The following ITGA5 variants were observed in gnomAD, a reference collection of about 807,000 sequenced individuals.
The protein encoded by ITGA5 is integrin alpha-5.
Under a neutral mutation model 146.3 loss-of-function variants are expected in ITGA5, and 55 were observed. The ratio of observed to expected loss-of-function variants is 0.38; its 90% confidence interval spans 0.30 to 0.47. The LOEUF is 0.47. Among genes scored for constraint, ITGA5 ranks in the 20% least tolerant of loss-of-function variants. The pLI, the probability that ITGA5 is intolerant of heterozygous loss-of-function variation, is 0.99. For missense variants in ITGA5, 1,131 were observed against 1,329.0 expected (o/e 0.85, Z 2.32); for synonymous variants, 500 against 531.8 (o/e 0.94, Z 0.82).
At chr12:54,398,427 A>C (rs1295023320) in intron 28 of ITGA5, among the ~76,000 whole-genome samples, 170 bp downstream of exon 28, 1 of 152,202 alleles carries the variant, frequency 6.6e-6, no homozygotes, top group Non-Finnish European at 1.5e-5. Context: ...CAAAGATACC[A>C]TGTTGATCTT....
Position 54,401,821 on chromosome 12 carries a change from A to C in ITGA5, c.2261T>G (p.Leu754Arg). Reference protein sequence around the residue: ...WGGLRFTVPHLRDTKKTIQFD... With the variant: ...WGGLRFTVPHRRDTKKTIQFD... ...CTGGATGGTTTTCTTAGTGTCCCGG[A>C]GATGAGGGACTGTAAACCGAAGGCC... is the stretch of plus-strand genomic sequence containing the variant. The change falls in exon 22 of 30, where the codon CTC (leucine) becomes CGC (arginine). Residue 754 changes from leucine (L) to arginine (R), a missense_variant. By Grantham distance (102) the Leu-to-Arg change is moderately radical. This residue lies in a region of ITGA5 where 889 missense variants were observed against 1,021.5 expected (regional missense o/e 0.87). Transcript: ENST00000293379. This position sits in a 1 kb window ranked among gnomAD's most constrained non-coding sequence, Gnocchi z 5.0. 6.2e-7 allele frequency: 1 copy of C among 1,614,160 alleles called. No homozygotes were observed. The highest frequency in any genetic ancestry group is 8.5e-7 in the Non-Finnish European group (1 of 1,180,026).
Position 54,402,313 on chromosome 12 carries a change from T to A in ITGA5, c.2000A>T (p.Tyr667Phe). The change falls in exon 20 of 30, where the codon TAC (tyrosine) becomes TTC (phenylalanine). Residue 667 changes from tyrosine to phenylalanine, a missense_variant. Physicochemically the swap from Tyr to Phe is conservative, Grantham distance 22. Coordinates refer to ENST00000293379, the MANE Select transcript of ITGA5 (RefSeq NM_002205.5). Reference sequence around the variant, plus strand: ...GTTCAGGGCATTCTTGTCACCCAGGTACACATGGTTCTGCTCCCTGGAAGG... The same window carrying A: ...GTTCAGGGCATTCTTGTCACCCAGGAACACATGGTTCTGCTCCCTGGAAGG... ...LEVFGEQNHV[Y>F]LGDKNALNLT... The A allele has an allele frequency of 6.2e-7, 1 of 1,613,634 alleles. No individual in the cohort carries two copies. The highest frequency in any genetic ancestry group is 8.5e-7 in the Non-Finnish European group (1 of 1,179,748).
Position 54,403,245 on chromosome 12 carries a change from T to C in ITGA5, c.1856A>G (p.Asp619Gly). Residue 619 changes from aspartate to glycine, a missense_variant, in exon 18 of 30, where the codon GAC (aspartate) becomes GGC (glycine). By Grantham distance (94) the Asp-to-Gly change is moderately conservative. This residue lies in a region of ITGA5 where 889 missense variants were observed against 1,021.5 expected (regional missense o/e 0.87). Coordinates refer to ENST00000293379, the MANE Select transcript of ITGA5 (RefSeq NM_002205.5). The surrounding 1 kb of genome is among the most constrained non-coding windows in gnomAD (Gnocchi z 4.9). The stretch of plus-strand genomic sequence containing the variant: ...TAGGGCTGGCCTGAGGCCGTGGCTG[T>C]CCACTGGGGCTTGGGGGTCCAAGGA... ...NFSLDPQAPV[D>G]SHGLRPALHY... 1 of 1,568,366 alleles carries C rather than the reference T, an allele frequency of 6.4e-7. No individual in the cohort carries two copies. Among genetic ancestry groups the C allele is most frequent in the Non-Finnish European group, 8.6e-7 (1 of 1,160,098 alleles).
intron 27 of ITGA5, chr12:54,398,927 C>T (rs1592283570): frequency 5.0e-6 from 2 of 401,392 alleles, no homozygotes; most frequent in East Asian, 9.7e-5. Flanking sequence ...GCAACCTCCA[C>T]CTCCTGGGCT....
chr12:54,409,109 T>C lies in ITGA5; in HGVS notation c.583+123A>G, dbSNP rs1172873640. 4.1e-6 allele frequency: 6 copies of C among 1,473,642 alleles called. No individual in the cohort carries two copies. In the Admixed American group the frequency reaches 1.1e-4, roughly 28 times the overall value. The allele number at this position is 1,473,642 out of a possible 1,614,324, so 91.3% of individuals were successfully genotyped here. A position where few individuals can be genotyped will look rare whatever the true frequency, so the allele number is the denominator to read the frequency against. ...AAAGGCTAACGAACTGGGTTAGCCT[T>C]TATCTTAAGCAACCTAGAACCTCAT... is the stretch of plus-strand genomic sequence containing the variant. On this transcript the variant is annotated intron_variant, in intron 4 of 29. Transcript: ENST00000293379. The surrounding 1 kb of genome is among the most constrained non-coding windows in gnomAD (Gnocchi z 4.7).
Position 54,396,198 on chromosome 12 carries a change from C to T in ITGA5, c.*95G>A. 1 of 995,430 alleles carries T rather than the reference C, an allele frequency of 1.0e-6. No homozygotes were observed. The highest frequency in any genetic ancestry group is 1.6e-6 in the Non-Finnish European group (1 of 638,386). The allele number at this position is 995,430 out of a possible 1,614,324, so 61.7% of individuals were successfully genotyped here. On this transcript the variant is annotated 3_prime_UTR_variant, in exon 30 of 30. Transcript: ENST00000293379. ...GGGAGAGGAGCTTCTCCCTGGCCGT[C>T]AGCACCTTCAAGAAGTACCCAGACC...
Position 54,400,895 on chromosome 12 carries a change from G to GT in ITGA5, c.2593dup (p.Thr865AsnfsTer12). The stretch of plus-strand genomic sequence containing the variant: ...GTGATTGGTGGTGCAGTTGAGTCCC[G>GT]TAACTCTGGTCACATATAGGAGCTG... On this transcript the variant is annotated frameshift_variant, in exon 25 of 30. Coordinates refer to ENST00000293379, the MANE Select transcript of ITGA5 (RefSeq NM_002205.5). LOFTEE classifies it high-confidence loss of function. 6.2e-7 allele frequency: 1 copy of GT among 1,614,072 alleles called. No homozygotes were observed. The highest frequency in any genetic ancestry group is 8.5e-7 in the Non-Finnish European group (1 of 1,179,984).
chr12:54,410,567 T>A (rs1955930929), intron 2 of ITGA5, among the ~76,000 whole-genome samples: 1 of 151,074 alleles, frequency 6.6e-6, no homozygotes, highest in African/African-American at 2.4e-5. Context: ...TTTTTTTTTT[T>A]AAACAGGGTC....
At position 54,398,604 on chromosome 12, in the gene ITGA5, T is replaced by C. The variant is rs775915497; in HGVS notation, c.2936A>G (p.Glu979Gly). The C allele has an allele frequency of 3.7e-6, 6 of 1,611,042 alleles. No homozygotes were observed. The South Asian group carries it at 6.6e-5, about 18-fold the overall frequency. Reference sequence around the variant, plus strand: ...CTCTGGCCCTAGACTCACCTGACGCTCTTTTTGGGGCAGCTGCCGAGGCAG... The same window carrying C: ...CTCTGGCCCTAGACTCACCTGACGCCCTTTTTGGGGCAGCTGCCGAGGCAG... Reference protein sequence around the residue: ...RILPRQLPQKERQVATAVQWT... With the variant: ...RILPRQLPQKGRQVATAVQWT... The change falls in exon 28 of 30, where the codon GAG becomes GGG. Residue 979 changes from glutamate to glycine, a missense_variant. This residue lies in a region of ITGA5 where 889 missense variants were observed against 1,021.5 expected (regional missense o/e 0.87). Transcript: ENST00000293379.
chr12:54,399,727 C>T lies in ITGA5; in HGVS notation c.2759G>A (p.Arg920His), dbSNP rs899436783. The part of the protein sequence containing the change: ...KCPEAECFRL[R>H]CELGPLHQQE... ...TTGGTGCAGGGGCCCGAGCTCACAG[C>T]GCAGCCTGAAACACTCAGCCTCCGG... The change falls in exon 27 of 30, where the codon CGC (arginine) becomes CAC (histidine). Residue 920 changes from arginine to histidine, a missense_variant. This residue lies in a region of ITGA5 where 889 missense variants were observed against 1,021.5 expected (regional missense o/e 0.87). Transcript: ENST00000293379. 19 of 1,614,044 alleles carry T rather than the reference C, an allele frequency of 1.2e-5. No homozygotes were observed. Among genetic ancestry groups the T allele is most frequent in the African/African-American group, 4.0e-5 (3 of 74,910 alleles).
rs761496820 is a variant in ITGA5, at chr12:54,401,892, CTG to C, written c.2227-39_2227-38del. 6 of 1,606,888 alleles carry C rather than the reference CTG, an allele frequency of 3.7e-6. No individual in the cohort carries two copies. In the South Asian group the frequency reaches 6.6e-5, roughly 18 times the overall value. On this transcript the variant is annotated intron_variant, in intron 21 of 29. Transcript: ENST00000293379. The surrounding 1 kb of genome is among the most constrained non-coding windows in gnomAD (Gnocchi z 5.0). ...AAAAGAGGAAAAGAGGGCAGTTAGA[CTG>C]TGTATTTCACCCTCCCTCCGCACCT...
intron 8 of ITGA5, 37 bp downstream of exon 8, chr12:54,407,795 T>C: frequency 6.2e-7 from 1 of 1,607,268 alleles, no homozygotes; most frequent in Non-Finnish European, 8.5e-7. Flanking sequence ...CCTCTAACCA[T>C]CCCCCTCCCT....
chr12:54,418,800 C>A (rs1956040867), intron 1 of ITGA5, among the ~76,000 whole-genome samples, 181 bp downstream of exon 1: 1 of 152,144 alleles, frequency 6.6e-6, no homozygotes, highest in Non-Finnish European at 1.5e-5. Context: ...CCTCACCCGC[C>A]ACGGTGCCCT....
rs114057288 is a variant in ITGA5 at position 54,401,935 on chromosome 12, G to A, written c.2226+66C>T. On this transcript the variant is annotated intron_variant, in intron 21 of 29. Transcript: ENST00000293379. This position sits in a 1 kb window ranked among gnomAD's most constrained non-coding sequence, Gnocchi z 5.0. ...CTCCGCACCTCACAGCTGTGCTCTC[G>A]GCTGGCTGGTTACCGCCCTCAGGTC... 1.1e-3 allele frequency: 1,809 copies of A among 1,596,746 alleles called. 27 individuals carry two copies. The African/African-American group carries it at 0.022, about 19-fold the overall frequency.
rs765273691 is a variant in ITGA5 at position 54,408,210 on chromosome 12, C to T, written c.717G>A (p.Glu239=). The change falls in exon 7 of 30, where the codon GAG becomes GAA. Residue 239 remains glutamate (E), a synonymous_variant. Transcript: ENST00000293379. ...WQGQILSATQ[E]QIAESYYPEY... ...CGGGGTAATAAGATTCTGCAATCTG[C>T]TCCTGAGTGGCAGACAGGATCTGGC... 1.2e-6 allele frequency: 2 copies of T among 1,613,990 alleles called. No individual in the cohort carries two copies. The highest frequency in any genetic ancestry group is 1.3e-5 in the African/African-American group (1 of 74,902).
intron 25 of ITGA5, chr12:54,400,567 A>T: frequency 2.7e-6 from 1 of 371,872 alleles, no homozygotes; most frequent in Non-Finnish European, 4.9e-6. Flanking sequence ...CCAGAGGAAA[A>T]GGTTTGAAGA....
In ITGA5 at chr12:54,401,005, G is replaced by A. The variant is rs777704497; in HGVS notation, c.2494-10C>T. 9.3e-6 allele frequency: 15 copies of A among 1,612,266 alleles called. No individual in the cohort carries two copies. The highest frequency in any genetic ancestry group is 1.7e-6 in the Non-Finnish European group (2 of 1,179,424). The stretch of plus-strand genomic sequence containing the variant: ...GGCCTTGGTTGATGAGCTGAGGAGG[G>A]AAGAGCACAATCATCATGAGAAGGA... On this transcript the variant is annotated splice_polypyrimidine_tract_variant and intron_variant, in intron 24 of 29. Transcript: ENST00000293379. This position sits in a 1 kb window ranked among gnomAD's most constrained non-coding sequence, Gnocchi z 5.0.
At chr12:54,405,104 C>G in intron 12 of ITGA5, 62 bp downstream of exon 12, 1 of 1,454,470 alleles carries the variant, frequency 6.9e-7, no homozygotes, top group Admixed American at 2.1e-5. Flanking sequence ...TGCCCTCTCC[C>G]CAAATCCCTT....
chr12:54,397,298 G>A (rs1955723260), intron 29 of ITGA5, 67 bp downstream of exon 29: 2 of 1,586,918 alleles, frequency 1.3e-6, no homozygotes, highest in Non-Finnish European at 8.6e-7. Flanking sequence ...AGATACTTGG[G>A]ACTGTGCCAG....
Sources: gnomAD v4.1 joint callset for allele counts (sites outside exome capture counted in the v4.1 genomes callset) on GRCh38, gnomAD v4.1.1 for gene constraint, gnomAD v4.1.1 regional missense constraint, Gnocchi (gnomAD v3.1) non-coding constraint, MANE v1.5 for transcripts, NCBI Gene and HGNC (gene_info 2026-07-23, HGNC 2026-07-21) for gene names.